The following LAMP1 variants were observed in gnomAD, a reference collection of about 807,000 sequenced individuals.
LAMP1 encodes lysosome associated membrane protein 1.
LAMP1 carries 7 observed loss-of-function variants against 37.5 expected under a neutral mutation model. The observed-to-expected ratio is 0.19, with a 90% CI of 0.11 to 0.35. The LOEUF (loss-of-function observed/expected upper bound fraction) is 0.35, where lower values mean the gene tolerates loss of function less well. LAMP1 is among the 10% of genes least tolerant of loss of function. The pLI, the probability that LAMP1 is intolerant of heterozygous loss-of-function variation, is 1.00. For missense variants in LAMP1, 537 were observed against 552.8 expected, an observed-to-expected ratio of 0.97 and a Z score of 0.29; for synonymous variants, 236 against 229.1, an observed-to-expected ratio of 1.03 and a Z score of -0.27.
chr13:113,321,678 C>T lies in LAMP1; in HGVS notation c.1065C>T (p.Phe355=), dbSNP rs372370740. 7 of 1,614,070 alleles carry T rather than the reference C, an allele frequency of 4.3e-6. No individual in the cohort carries two copies. In the African/African-American group the frequency reaches 9.3e-5, roughly 22 times the overall value. The change falls in exon 8 of 9, where the codon TTC becomes TTT. Residue 355 remains phenylalanine (F), a synonymous_variant. Coordinates refer to ENST00000332556, the MANE Select transcript of LAMP1 (RefSeq NM_005561.4). This position sits in a 1 kb window ranked among gnomAD's most constrained non-coding sequence, Gnocchi z 5.6. Reference sequence around the variant, plus strand: ...CGAAGGCGTTTTCAGTCAATATATTCAAAGTGTGGGTCCAGGCTTTCAAGG... The same window carrying T: ...CGAAGGCGTTTTCAGTCAATATATTTAAAGTGTGGGTCCAGGCTTTCAAGG... The part of the protein sequence containing the change: ...RVTKAFSVNI[F]KVWVQAFKVE...
chr13:113,313,443 C>T (rs149727931), intron 4 of LAMP1, among the ~76,000 whole-genome samples: 3 of 152,222 alleles, frequency 2.0e-5, no homozygotes, highest in Non-Finnish European at 2.9e-5. Flanking sequence ...ATGGAGAACA[C>T]GCATGTGATT....
At position 113,321,538 on chromosome 13, in the gene LAMP1, AC is replaced by A; in HGVS notation, c.944-17del. ...GCCCAGGGTATTCTGGAGCCACTAG[AC>A]CTCTGTGTGTGTTGCAGACCCTGCC... On this transcript the variant is annotated intron_variant, in intron 7 of 8. Transcript: ENST00000332556. This position sits in a 1 kb window ranked among gnomAD's most constrained non-coding sequence, Gnocchi z 5.6. The A allele has an allele frequency of 6.2e-7, 1 of 1,613,064 alleles. No individual in the cohort carries two copies. The highest frequency in any genetic ancestry group is 1.1e-5 in the South Asian group (1 of 91,042).
chr13:113,316,112 AAAAC>A (rs982199006), intron 4 of LAMP1, among the ~76,000 whole-genome samples: 2 of 152,084 alleles, frequency 1.3e-5, no homozygotes, highest in East Asian at 1.9e-4. Flanking sequence ...CAAAAACAAA[AAAAC>A]AAAGTAGGGC....
chr13:113,315,540 TCAC>T (rs2042658602), intron 4 of LAMP1, among the ~76,000 whole-genome samples: 1 of 151,310 alleles, frequency 6.6e-6, no homozygotes, highest in Non-Finnish European at 1.5e-5. Flanking sequence ...CAGGTGCACA[TCAC>T]CACGTCTGGT....
At chr13:113,301,643 AAATATATATATATAT>A (rs2042573958) in intron 1 of LAMP1, among the ~76,000 whole-genome samples, 1 of 4,854 alleles carries the variant, frequency 2.1e-4, no homozygotes, top group African/African-American at 9.2e-4. Context: ...AAAAAAAAAA[AAATATATATATATAT>A]ATATATATAT....
intron 4 of LAMP1, among the ~76,000 whole-genome samples, chr13:113,312,134 C>T (rs769866854): frequency 6.6e-6 from 1 of 152,144 alleles, no homozygotes; most frequent in Non-Finnish European, 1.5e-5. Context: ...ACAGGAGGAT[C>T]GTCCGTCTCA....
intron 1 of LAMP1, among the ~76,000 whole-genome samples, chr13:113,300,534 T>C (rs1871719390): frequency 1.3e-5 from 2 of 148,466 alleles, no homozygotes; most frequent in South Asian, 4.3e-4. Flanking sequence ...AAGCTGGGTG[T>C]GGTGGCTCAT....
Position 113,322,443 on chromosome 13 carries a change from A to G in LAMP1, c.*22A>G, listed in dbSNP as rs773319529. 6.3e-7 allele frequency: 1 copy of G among 1,595,366 alleles called. No individual in the cohort carries two copies. Among genetic ancestry groups the G allele is most frequent in the Non-Finnish European group, 8.6e-7 (1 of 1,166,538 alleles). On this transcript the variant is annotated 3_prime_UTR_variant, in exon 9 of 9. Transcript: ENST00000332556. ...CTAGCCTGGTGCACGCAGGCACAGCAGCTGCAGGGGCCTCTGTTCCTTTCT... is the reference window on the plus strand; with the variant it reads ...CTAGCCTGGTGCACGCAGGCACAGCGGCTGCAGGGGCCTCTGTTCCTTTCT...
Position 113,320,594 on chromosome 13 carries a change from C to G in LAMP1, c.876+124C>G. Reference sequence around the variant, plus strand: ...GGCGGCCTCACTTTTTTCTGCCTTCCCTTTATCCTGGGCTTTTTAGTTCCT... The same window carrying G: ...GGCGGCCTCACTTTTTTCTGCCTTCGCTTTATCCTGGGCTTTTTAGTTCCT... On this transcript the variant is annotated intron_variant, in intron 6 of 8. Transcript: ENST00000332556. The surrounding 1 kb of genome is among the most constrained non-coding windows in gnomAD (Gnocchi z 4.4). 9.9e-7 allele frequency: 1 copy of G among 1,009,140 alleles called. No homozygotes were observed. Among genetic ancestry groups the G allele is most frequent in the Non-Finnish European group, 1.4e-6 (1 of 701,398 alleles). 62.5% of individuals were successfully genotyped at this position (1,009,140 alleles called of 1,614,324 possible).
Position 113,321,185 on chromosome 13 carries a change from T to A in LAMP1, c.877-219T>A, listed in dbSNP as rs2042697044. On this transcript the variant is annotated intron_variant, in intron 6 of 8. Coordinates refer to ENST00000332556, the MANE Select transcript of LAMP1 (RefSeq NM_005561.4). The surrounding 1 kb of genome is among the most constrained non-coding windows in gnomAD (Gnocchi z 5.6). ...ACAGAGCAAGACTCTCAGAGAAGGG[T>A]CTGGAAGGAACTAACCAAAATTTTC... The A allele has an allele frequency of 3.7e-6, 2 of 535,052 alleles. No individual in the cohort carries two copies. The highest frequency in any genetic ancestry group is 3.0e-5 in the Admixed American group (1 of 33,196). 33.1% of individuals were successfully genotyped at this position (535,052 alleles called of 1,614,324 possible).
intron 3 of LAMP1, among the ~76,000 whole-genome samples, chr13:113,310,294 G>T (rs879600585): frequency 6.6e-6 from 1 of 151,966 alleles, no homozygotes; most frequent in Non-Finnish European, 1.5e-5. Flanking sequence ...TTGGGAGGCC[G>T]AGGCGGGCAG....
intron 4 of LAMP1, among the ~76,000 whole-genome samples, chr13:113,315,382 CTTTT>C (rs1158608278): frequency 5.0e-5 from 3 of 60,432 alleles, no homozygotes; most frequent in African/African-American, 1.2e-4. Flanking sequence ...TGTATCTTGT[CTTTT>C]TTTTTTTTTT....
At chr13:113,303,164 G>T (rs1451516733) in intron 1 of LAMP1, among the ~76,000 whole-genome samples, 1 of 152,156 alleles carries the variant, frequency 6.6e-6, no homozygotes, top group Non-Finnish European at 1.5e-5. Context: ...CCTCCTGCTC[G>T]TGGGTGCAGA....
chr13:113,320,602 C>A lies in LAMP1; in HGVS notation c.876+132C>A. ...CACTTTTTTCTGCCTTCCCTTTATC[C>A]TGGGCTTTTTAGTTCCTTGGTTCCC... On this transcript the variant is annotated intron_variant, in intron 6 of 8. Transcript: ENST00000332556. This position sits in a 1 kb window ranked among gnomAD's most constrained non-coding sequence, Gnocchi z 4.4. 1.1e-6 allele frequency: 1 copy of A among 933,388 alleles called. No homozygotes were observed. Among genetic ancestry groups the A allele is most frequent in the Non-Finnish European group, 1.6e-6 (1 of 636,682 alleles). The allele number at this position is 933,388 out of a possible 1,614,324, so 57.8% of individuals were successfully genotyped here.
intron 2 of LAMP1, among the ~76,000 whole-genome samples, chr13:113,308,839 A>G (rs2042614290): frequency 6.6e-6 from 1 of 152,072 alleles, no homozygotes; most frequent in Non-Finnish European, 1.5e-5. Flanking sequence ...ACTGTAGTTC[A>G]TTTGACCTAT....
At chr13:113,317,312 C>T (rs1391565418) in intron 4 of LAMP1, among the ~76,000 whole-genome samples, 49 of 152,200 alleles carry the variant, frequency 3.2e-4, no homozygotes, top group Admixed American at 3.2e-3. Flanking sequence ...GTCCTCCGCC[C>T]TCAGCAGGAA....
chr13:113,297,954 C>T lies in LAMP1; in HGVS notation c.61+459C>T, dbSNP rs1347877468. Among the ~76,000 whole-genome samples, 1 of 152,228 alleles carries T rather than the reference C, an allele frequency of 6.6e-6. No individual in the cohort carries two copies. The highest frequency in any genetic ancestry group is 1.5e-5 in the Non-Finnish European group (1 of 68,046). On this transcript the variant is annotated intron_variant, in intron 1 of 8. Transcript: ENST00000332556. This position sits in a 1 kb window ranked among gnomAD's most constrained non-coding sequence, Gnocchi z 4.4. ...ATCAAGCTCTTCCCAACATGGATTT[C>T]ACCCAGGACAGGGAGAAGCCGGTGC...
Position 113,322,379 on chromosome 13 carries a change from C to T in LAMP1, c.1212C>T (p.Leu404=), listed in dbSNP as rs563165417. 3.3e-5 allele frequency: 53 copies of T among 1,613,784 alleles called. No homozygotes were observed. Among genetic ancestry groups the T allele is most frequent in the South Asian group, 2.6e-4 (24 of 91,066 alleles). Residue 404 remains leucine, a synonymous_variant, in exon 9 of 9, where the codon CTC becomes CTT. Coordinates refer to ENST00000332556, the MANE Select transcript of LAMP1 (RefSeq NM_005561.4). Reference sequence around the variant, plus strand: ...TCCTCATCGTCCTCATCGCCTACCTCGTCGGCAGGAAGAGGAGTCACGCAG... The same window carrying T: ...TCCTCATCGTCCTCATCGCCTACCTTGTCGGCAGGAAGAGGAGTCACGCAG... ...GLVLIVLIAY[L]VGRKRSHAGY...
intron 4 of LAMP1, among the ~76,000 whole-genome samples, chr13:113,316,462 C>G (rs1472185611): frequency 3.3e-5 from 5 of 150,980 alleles, no homozygotes; most frequent in Admixed American, 6.6e-5. Flanking sequence ...CGCTCTGTCA[C>G]CCCAGGCTGG....
Sources: gnomAD v4.1 joint callset for allele counts (sites outside exome capture counted in the v4.1 genomes callset) on GRCh38, gnomAD v4.1.1 for gene constraint, Gnocchi (gnomAD v3.1) non-coding constraint, MANE v1.5 for transcripts, NCBI Gene and HGNC (gene_info 2026-07-23, HGNC 2026-07-21) for gene names.